Variants in PTPN2 observed in about 807,000 individuals in gnomAD.
PTPN2 encodes the protein tyrosine-protein phosphatase non-receptor type 2.
PTPN2 carries 19 observed loss-of-function variants against 57.3 expected under a neutral mutation model. The observed-to-expected ratio is 0.33, with a 90% CI of 0.23 to 0.49. The LOEUF (loss-of-function observed/expected upper bound fraction) is 0.49, where lower values mean the gene tolerates loss of function less well. Ranked by LOEUF, PTPN2 falls within the 20% of genes least tolerant of loss-of-function variation. The pLI is 0.99. For synonymous variants in PTPN2, 153 were observed against 164.9 expected, an observed-to-expected ratio of 0.93 and a Z score of 0.55; for missense variants, 358 against 501.1, an observed-to-expected ratio of 0.71 and a Z score of 2.73.
At chr18:12,856,285 C>T (rs528005299) in intron 2 of PTPN2, among the ~76,000 whole-genome samples, 2 of 152,348 alleles carry the variant, frequency 1.3e-5, no homozygotes, top group Admixed American at 1.3e-4. Context: ...GAGATCATTT[C>T]CATTTGCAGG....
chr18:12,818,600 C>T (rs902156462), intron 5 of PTPN2, among the ~76,000 whole-genome samples: 4 of 151,712 alleles, frequency 2.6e-5, no homozygotes, highest in Admixed American at 2.0e-4. Context: ...TTTGTGTAAA[C>T]GAAGCAGTGG....
intron 3 of PTPN2, among the ~76,000 whole-genome samples, chr18:12,831,381 C>T (rs953998335): frequency 2.0e-5 from 3 of 152,190 alleles, no homozygotes; most frequent in African/African-American, 7.2e-5. Flanking sequence ...AGAAAGTCAA[C>T]CTGGGATGCT....
chr18:12,845,698 G>A (rs1009945992), intron 2 of PTPN2, among the ~76,000 whole-genome samples: 3 of 152,074 alleles, frequency 2.0e-5, no homozygotes, highest in African/African-American at 4.8e-5. Context: ...TACTGGCTAG[G>A]ATTCAGTACC....
intron 1 of PTPN2, among the ~76,000 whole-genome samples, chr18:12,883,223 T>C (rs566102677): frequency 6.6e-6 from 1 of 152,230 alleles, no homozygotes; most frequent in Non-Finnish European, 1.5e-5. Context: ...GGAGCACACA[T>C]GAAAGCTGCG....
chr18:12,884,053 C>T lies in PTPN2; in HGVS notation c.69+20G>A, dbSNP rs1341397763. 16 of 1,559,208 alleles carry T rather than the reference C, an allele frequency of 1.0e-5. No individual in the cohort carries two copies. The highest frequency in any genetic ancestry group is 1.1e-5 in the Non-Finnish European group (13 of 1,153,518). ...GGTCTCGGAGGAGGTCGGCGACTGC[C>T]GCGTGGGTCCGCGACTCACCAAGTA... is the stretch of plus-strand genomic sequence containing the variant. On this transcript the variant is annotated intron_variant, in intron 1 of 8. Coordinates refer to ENST00000309660, the MANE Select transcript of PTPN2 (RefSeq NM_002828.4).
exon 10 of PTPN2, chr18:12,785,827 G>C (rs1453146365): frequency 6.2e-7 from 1 of 1,610,580 alleles, no homozygotes; most frequent in Admixed American, 1.7e-5. Context: ...TGAATATTAG[G>C]TGTCTGTCAA....
In PTPN2 at chr18:12,831,151, C is replaced by G. The variant is rs938897040; in HGVS notation, c.262-110G>C. 6.2e-6 allele frequency: 4 copies of G among 646,504 alleles called. No individual in the cohort carries two copies. The East Asian group carries it at 1.1e-4, about 18-fold the overall frequency. The allele number at this position is 646,504 out of a possible 1,614,324, so 40.0% of individuals were successfully genotyped here. A position where few individuals can be genotyped will look rare whatever the true frequency, so the allele number is the denominator to read the frequency against. On this transcript the variant is annotated intron_variant, in intron 3 of 8. Transcript: ENST00000309660. ...GGGATGTTACAAGACAGACAGCGGA[C>G]GGGCTTATAAGAAGTAAACCAAGAC...
chr18:12,828,851 C>T (rs1312738849), intron 4 of PTPN2, among the ~76,000 whole-genome samples: 1 of 152,042 alleles, frequency 6.6e-6, no homozygotes, highest in Non-Finnish European at 1.5e-5. Flanking sequence ...CAGGTCTGGG[C>T]AGCAAGAGTT....
chr18:12,870,033 T>A (rs1268871841), intron 1 of PTPN2, among the ~76,000 whole-genome samples: 1 of 151,774 alleles, frequency 6.6e-6, no homozygotes, highest in Non-Finnish European at 1.5e-5. Flanking sequence ...TAAGTTCTTT[T>A]CTTCACTACA....
At chr18:12,808,509 G>A (rs770432580) in intron 7 of PTPN2, among the ~76,000 whole-genome samples, 4 of 152,216 alleles carry the variant, frequency 2.6e-5, no homozygotes, top group East Asian at 1.9e-4. Context: ...CGGGGCATGC[G>A]GTGGCTCACG....
chr18:12,832,090 C>T (rs563397823), intron 3 of PTPN2, among the ~76,000 whole-genome samples: 48 of 152,280 alleles, frequency 3.2e-4, no homozygotes, highest in Non-Finnish European at 6.3e-4. Flanking sequence ...GACCCACATA[C>T]AACAAGGGGG....
chr18:12,838,282 G>A (rs112856107), intron 2 of PTPN2, among the ~76,000 whole-genome samples: 4 of 152,076 alleles, frequency 2.6e-5, no homozygotes, highest in Non-Finnish European at 5.9e-5. Flanking sequence ...GCTAACATGC[G>A]GTAGGAATCC....
chr18:12,805,495 A>C (rs2041612429), intron 7 of PTPN2, among the ~76,000 whole-genome samples: 1 of 151,850 alleles, frequency 6.6e-6, no homozygotes, highest in African/African-American at 2.4e-5. Flanking sequence ...CATGATAAAA[A>C]CTCTCAACAA....
Position 12,846,377 on chromosome 18 carries a change from A to C in PTPN2, c.161-9486T>G, listed in dbSNP as rs557156740. ...ATATTTATTAGTTGGCAACCTATAC[A>C]AAGGTAGAACTTTCCCTATCCCTCA... On this transcript the variant is annotated intron_variant, in intron 2 of 8. Transcript: ENST00000309660. Among the ~76,000 whole-genome samples the C allele has an allele frequency of 7.2e-5, 11 of 152,372 alleles. No homozygotes were observed. The South Asian group carries it at 1.2e-3, about 17-fold the overall frequency.
At chr18:12,803,254 G>T (rs1332971511) in intron 7 of PTPN2, among the ~76,000 whole-genome samples, 1 of 151,560 alleles carries the variant, frequency 6.6e-6, no homozygotes, top group Non-Finnish European at 1.5e-5. Context: ...ATGAGAAAGA[G>T]AAATAAATCA....
intron 1 of PTPN2, among the ~76,000 whole-genome samples, chr18:12,860,429 T>C (rs1450617604): frequency 6.6e-6 from 1 of 150,538 alleles, no homozygotes; most frequent in Non-Finnish European, 1.5e-5. Flanking sequence ...AAACCTCGTC[T>C]CTACTGAAAC....
At chr18:12,835,665 C>T (rs191089849) in intron 3 of PTPN2, among the ~76,000 whole-genome samples, 60 of 152,190 alleles carry the variant, frequency 3.9e-4, no homozygotes, top group African/African-American at 1.4e-3. Context: ...TGTGAGCCTC[C>T]GCGCCTGGCC....
chr18:12,865,651 TAA>T (rs2043966022), intron 1 of PTPN2, among the ~76,000 whole-genome samples: 1 of 151,206 alleles, frequency 6.6e-6, no homozygotes, highest in African/African-American at 2.4e-5. Context: ...TCTACTAAAA[TAA>T]AAAGAGTGAG....
chr18:12,827,138 T>G (rs1432453931), intron 4 of PTPN2, among the ~76,000 whole-genome samples: 3 of 151,322 alleles, frequency 2.0e-5, no homozygotes, highest in African/African-American at 7.3e-5. Context: ...GGTCAGGAGA[T>G]CGAGACCATC....
Sources: allele counts gnomAD v4.1 joint callset (sites outside exome capture counted in the v4.1 genomes callset), GRCh38; gene constraint gnomAD v4.1.1; transcripts MANE v1.5; gene names NCBI Gene and HGNC (gene_info 2026-07-23, HGNC 2026-07-21).